The following MYO3B variants were observed in gnomAD, a reference collection of about 807,000 sequenced individuals.
MYO3B encodes the protein myosin IIIB.
In MYO3B, 156 loss-of-function variants were observed where a neutral mutation model predicts 174.6. That is an observed-to-expected ratio of 0.89 (90% confidence interval 0.78 to 1.02). The LOEUF (loss-of-function observed/expected upper bound fraction) is 1.02, where lower values mean the gene tolerates loss of function less well. Ranked by LOEUF, MYO3B falls within the 50% of genes least tolerant of loss-of-function variation. MYO3B has a pLI of 0.00. For synonymous variants in MYO3B, 563 were observed against 569.1 expected (o/e 0.99, Z 0.15); for missense variants, 1,632 against 1,639.4 (o/e 1.00, Z 0.08).
intron 7 of MYO3B, among the ~76,000 whole-genome samples, chr2:170,302,383 GGATGAGTT>G (rs2093671523): frequency 6.6e-6 from 1 of 152,192 alleles, no homozygotes; most frequent in South Asian, 2.1e-4. Context: ...TGCCTTAAAT[GGATGAGTT>G]CTCTGTTTTC....
chr2:170,242,508 A>G (rs1454541276), intron 7 of MYO3B, among the ~76,000 whole-genome samples: 4 of 152,180 alleles, frequency 2.6e-5, no homozygotes, highest in Non-Finnish European at 5.9e-5. Flanking sequence ...TTATTTTTAA[A>G]TTCGAGTTGA....
chr2:170,386,997 T>C, intron 13 of MYO3B, 109 bp from the exon 14 acceptor site: 2 of 1,023,744 alleles, frequency 2.0e-6, no homozygotes, highest in Non-Finnish European at 2.9e-6. Flanking sequence ...CAAATGGGGC[T>C]CTTTGTAAAA....
chr2:170,536,632 A>G (rs1300399326), intron 30 of MYO3B, among the ~76,000 whole-genome samples: 1 of 152,226 alleles, frequency 6.6e-6, no homozygotes, highest in Non-Finnish European at 1.5e-5. Context: ...ATTAAAGCCC[A>G]GGAATAATGT....
intron 9 of MYO3B, among the ~76,000 whole-genome samples, chr2:170,379,568 T>G (rs2094320930): frequency 6.6e-6 from 1 of 152,230 alleles, no homozygotes; most frequent in Non-Finnish European, 1.5e-5. Context: ...ATCGGAAATA[T>G]GTATCCTCCT....
chr2:170,227,515 G>C (rs1394309974), intron 6 of MYO3B, among the ~76,000 whole-genome samples: 1 of 152,234 alleles, frequency 6.6e-6, no homozygotes, highest in East Asian at 1.9e-4. Context: ...GAACTCCTGG[G>C]CTCAAGTGAT....
At chr2:170,493,025 CCCTCAAAGGTAATA>C (rs139688475) in intron 25 of MYO3B, among the ~76,000 whole-genome samples, 2,255 of 152,258 alleles carry the variant, frequency 0.015, 39 homozygotes, top group African/African-American at 0.049. Context: ...CTCCCTTCCG[CCCTCAAAGGTAATA>C]CTGTTCAAGT....
chr2:170,311,933 C>G (rs1456163446), intron 7 of MYO3B, among the ~76,000 whole-genome samples: 3 of 152,108 alleles, frequency 2.0e-5, no homozygotes, highest in Non-Finnish European at 4.4e-5. Context: ...ATTTCTGGAC[C>G]CTCCATTCTA....
intron 1 of MYO3B, among the ~76,000 whole-genome samples, chr2:170,189,077 C>A (rs1559285211): frequency 6.6e-6 from 1 of 151,966 alleles, no homozygotes; most frequent in South Asian, 2.1e-4. Flanking sequence ...CTGGGAAAGT[C>A]TTTATTTTTC....
At chr2:170,534,793 T>C (rs1044663447) in intron 30 of MYO3B, among the ~76,000 whole-genome samples, 2 of 152,242 alleles carry the variant, frequency 1.3e-5, no homozygotes, top group South Asian at 4.1e-4. Flanking sequence ...TTAGAACTAA[T>C]ATATCATGAA....
intron 1 of MYO3B, among the ~76,000 whole-genome samples, chr2:170,182,702 C>T (rs1172315201): frequency 1.3e-5 from 2 of 151,124 alleles, no homozygotes; most frequent in African/African-American, 4.9e-5. Flanking sequence ...ACCTACGCCT[C>T]CCAGGTTTAT....
rs528053956 is a variant in MYO3B, at chr2:170,578,046, A to T, written c.3733+34058A>T. On this transcript the variant is annotated intron_variant, in intron 32 of 34. Coordinates refer to ENST00000408978, the MANE Select transcript of MYO3B (RefSeq NM_138995.5). ...GTTTAATATTTTGGAAATTGATTTA[A>T]TATTAGGCCCAAACCCTCTCTAAAC... 6.6e-5 allele frequency among the ~76,000 whole-genome samples: 10 copies of T among 152,332 alleles called. No homozygotes were observed. The South Asian group carries it at 2.1e-3, about 32-fold the overall frequency.
In MYO3B at chr2:170,653,697, G is replaced by A. The variant is rs1699141832; in HGVS notation, c.*576G>A. On this transcript the variant is annotated 3_prime_UTR_variant, in exon 35 of 35. Coordinates refer to ENST00000408978, the MANE Select transcript of MYO3B (RefSeq NM_138995.5). Reference sequence around the variant, plus strand: ...ATAATTGCCTGTGTTTAGGCAGATAGGCCTAAATCTTTCAGATTCTTTCTA... The same window carrying A: ...ATAATTGCCTGTGTTTAGGCAGATAAGCCTAAATCTTTCAGATTCTTTCTA... The A allele has an allele frequency of 6.6e-6, 1 of 152,224 alleles. No individual in the cohort carries two copies. The highest frequency in any genetic ancestry group is 1.5e-5 in the Non-Finnish European group (1 of 68,126). 9.4% of individuals were successfully genotyped at this position (152,224 alleles called of 1,614,324 possible). A position where few individuals can be genotyped will look rare whatever the true frequency, so the allele number is the denominator to read the frequency against.
At chr2:170,318,810 A>G (rs1047283914) in intron 7 of MYO3B, among the ~76,000 whole-genome samples, 4 of 139,930 alleles carry the variant, frequency 2.9e-5, no homozygotes, top group Non-Finnish European at 6.4e-5. Flanking sequence ...CCTTCTGGAG[A>G]TGAGGCCAAA....
Position 170,214,420 on chromosome 2 carries a change from A to G in MYO3B, c.363A>G (p.Leu121=), listed in dbSNP as rs1327946551. ...CAGTCACTGAGCTTGTCAAAGGTCT[A>G]CTCAGATGTGGCCAGCGGTTGGATG... ...GGSVTELVKG[L]LRCGQRLDEA... is the part of the protein sequence containing the mutation. Residue 121 remains leucine (L), a synonymous_variant, in exon 4 of 35, where the codon CTA becomes CTG. Transcript: ENST00000408978. 3 of 1,613,992 alleles carry G rather than the reference A, an allele frequency of 1.9e-6. No individual in the cohort carries two copies. Among genetic ancestry groups the G allele is most frequent in the Non-Finnish European group, 2.5e-6 (3 of 1,180,004 alleles).
intron 32 of MYO3B, among the ~76,000 whole-genome samples, chr2:170,597,464 C>G: frequency 6.6e-6 from 1 of 151,776 alleles, no homozygotes; most frequent in Non-Finnish European, 1.5e-5. Flanking sequence ...GGTTGGAGAA[C>G]AACAGCAGCA....
At chr2:170,242,717 G>T (rs527767386) in intron 7 of MYO3B, among the ~76,000 whole-genome samples, 2 of 152,150 alleles carry the variant, frequency 1.3e-5, no homozygotes, top group African/African-American at 2.4e-5. Flanking sequence ...GGTGCGAGGG[G>T]TTGATTCCCA....
intron 6 of MYO3B, among the ~76,000 whole-genome samples, chr2:170,230,407 T>C (rs2093003060): frequency 7.1e-6 from 1 of 141,762 alleles, no homozygotes; most frequent in African/African-American, 2.6e-5. Flanking sequence ...GGTCTCTAAC[T>C]CCTGACCTCG....
At chr2:170,490,503 ACTT>A (rs1219372573) in intron 25 of MYO3B, among the ~76,000 whole-genome samples, 2 of 151,422 alleles carry the variant, frequency 1.3e-5, no homozygotes, top group African/African-American at 4.9e-5. Context: ...AGACAATTCT[ACTT>A]ACGCCCTTCA....
At chr2:170,187,084 AT>A (rs1173794597) in intron 1 of MYO3B, among the ~76,000 whole-genome samples, 3 of 148,988 alleles carry the variant, frequency 2.0e-5, no homozygotes, top group African/African-American at 4.9e-5. Context: ...TGTCAATTTT[AT>A]TTATCTTTTC....
Sources: gnomAD v4.1 joint callset for allele counts (sites outside exome capture counted in the v4.1 genomes callset) on GRCh38, gnomAD v4.1.1 for gene constraint, MANE v1.5 for transcripts, NCBI Gene and HGNC (gene_info 2026-07-23, HGNC 2026-07-21) for gene names.